The following SOX6 variants were observed in gnomAD, a reference collection of about 807,000 sequenced individuals.
SOX6 encodes transcription factor SOX-6.
A neutral mutation model predicts 97.8 loss-of-function variants in SOX6; 11 were observed. The observed-to-expected ratio is 0.11, with a 90% CI of 0.07 to 0.19. SOX6 has a LOEUF of 0.19. Among genes scored for constraint, SOX6 ranks in the 10% least tolerant of loss-of-function variants. SOX6 has a pLI of 1.00. For synonymous variants in SOX6, 360 were observed against 371.4 expected, an observed-to-expected ratio of 0.97 and a Z score of 0.35; for missense variants, 810 against 1,039.5, an observed-to-expected ratio of 0.78 and a Z score of 3.04.
At chr11:16,499,116 C>T (rs992934019) in intron 4 of SOX6, among the ~76,000 whole-genome samples, 3 of 152,302 alleles carry the variant, frequency 2.0e-5, no homozygotes, top group African/African-American at 7.2e-5. Context: ...GTCTCTCAGA[C>T]CACAGTGCAA....
chr11:16,204,956 T>A (rs1209002476), intron 4 of SOX6, among the ~76,000 whole-genome samples: 6 of 151,594 alleles, frequency 4.0e-5, no homozygotes, highest in African/African-American at 1.4e-4. Context: ...TTCCTCTTTT[T>A]AAAAAAAAAT....
intron 1 of SOX6, among the ~76,000 whole-genome samples, chr11:16,429,337 A>G (rs1312847389): frequency 1.3e-5 from 2 of 152,172 alleles, no homozygotes; most frequent in African/African-American, 4.8e-5. Flanking sequence ...ACATATCCAG[A>G]GGAATATAAA....
intron 4 of SOX6, among the ~76,000 whole-genome samples, chr11:16,210,401 AT>A (rs766569710): frequency 2.0e-5 from 3 of 152,222 alleles, no homozygotes; most frequent in Non-Finnish European, 4.4e-5. Flanking sequence ...GACCACATAT[AT>A]AATTCCATTC....
chr11:16,698,571 T>C (rs183593658), intron 3 of SOX6, among the ~76,000 whole-genome samples: 1 of 152,352 alleles, frequency 6.6e-6, no homozygotes, highest in East Asian at 1.9e-4. Context: ...CATTCACAAC[T>C]TGGCTAACTG....
intron 2 of SOX6, 56 bp from the exon 3 acceptor site, chr11:16,318,709 T>G (rs762996057): frequency 1.3e-6 from 2 of 1,509,662 alleles, no homozygotes; most frequent in Non-Finnish European, 1.8e-6. Context: ...TGCATGCTAC[T>G]GGAGAAAAAA....
chr11:16,253,760 C>A lies in SOX6; in HGVS notation c.446-19089G>T, dbSNP rs541557852. 9.9e-5 allele frequency among the ~76,000 whole-genome samples: 15 copies of A among 151,388 alleles called. No individual in the cohort carries two copies. The South Asian group carries it at 2.9e-3, about 29-fold the overall frequency. On this transcript the variant is annotated intron_variant, in intron 3 of 15. Transcript: ENST00000683767. ...GTATATCATATGTATAATGGGAATA[C>A]CAGAAGGAAAAGAAAAAGAGAAAGG...
At chr11:16,344,692 C>T (rs2134346912) in intron 1 of SOX6, among the ~76,000 whole-genome samples, 1 of 152,042 alleles carries the variant, frequency 6.6e-6, no homozygotes, top group African/African-American at 2.4e-5. Flanking sequence ...TAGCTGCTGC[C>T]TTATATGACT....
At chr11:16,128,124 C>A (rs1200626879) in intron 6 of SOX6, among the ~76,000 whole-genome samples, 1 of 152,122 alleles carries the variant, frequency 6.6e-6, no homozygotes, top group East Asian at 1.9e-4. Flanking sequence ...ATATAGAAGT[C>A]TTAGATTTTT....
chr11:16,130,044 C>T (rs966212185), intron 6 of SOX6, among the ~76,000 whole-genome samples: 9 of 151,814 alleles, frequency 5.9e-5, no homozygotes, highest in African/African-American at 2.2e-4. Context: ...TAATCATAAT[C>T]ATAGAAAATC....
chr11:16,416,776 A>AGGTAT (rs1858934681), intron 1 of SOX6, among the ~76,000 whole-genome samples: 1 of 152,192 alleles, frequency 6.6e-6, no homozygotes, highest in East Asian at 1.9e-4. Context: ...AAGAAACCAG[A>AGGTAT]GGTATTTTTC....
At chr11:16,118,889 T>C (rs543893764) in intron 6 of SOX6, among the ~76,000 whole-genome samples, 1 of 152,320 alleles carries the variant, frequency 6.6e-6, no homozygotes. Flanking sequence ...ATTCCTTATG[T>C]GATTTAATTG....
At chr11:16,402,549 C>T in intron 1 of SOX6, 1 of 1,143,904 alleles carries the variant, frequency 8.7e-7, no homozygotes, top group Non-Finnish European at 1.3e-6. Flanking sequence ...GCAAACCACC[C>T]AAAGCACACT....
chr11:16,137,287 A>T (rs142084158), intron 6 of SOX6, among the ~76,000 whole-genome samples: 1 of 152,178 alleles, frequency 6.6e-6, no homozygotes, highest in East Asian at 1.9e-4. Context: ...TTAGCTGGAC[A>T]TGGTGGCATG....
intron 9 of SOX6, among the ~76,000 whole-genome samples, chr11:16,073,683 A>G (rs1176147578): frequency 6.6e-6 from 1 of 152,192 alleles, no homozygotes; most frequent in Non-Finnish European, 1.5e-5. Context: ...TTGACCACAC[A>G]ATCAGCCATA....
intron 1 of SOX6, among the ~76,000 whole-genome samples, chr11:16,445,425 C>T (rs1050664264): frequency 1.1e-4 from 17 of 152,148 alleles, no homozygotes; most frequent in African/African-American, 3.9e-4. Flanking sequence ...TTTGCATATT[C>T]GTCCAACATG....
At chr11:16,217,225 A>G (rs956775996) in intron 4 of SOX6, among the ~76,000 whole-genome samples, 2 of 152,170 alleles carry the variant, frequency 1.3e-5, no homozygotes, top group African/African-American at 4.8e-5. Flanking sequence ...TTCTAGCCCT[A>G]TACACTTACG....
At chr11:16,055,598 G>A (rs1257304602) in intron 10 of SOX6, among the ~76,000 whole-genome samples, 154 bp downstream of exon 10, 1 of 152,154 alleles carries the variant, frequency 6.6e-6, no homozygotes, top group Non-Finnish European at 1.5e-5. Context: ...GTTTCTCAAT[G>A]CTCAATTATG....
chr11:16,275,411 G>A lies in SOX6; in HGVS notation c.446-40740C>T, dbSNP rs574453774. Among the ~76,000 whole-genome samples, 42 of 152,076 alleles carry A rather than the reference G, an allele frequency of 2.8e-4. 1 individual carries two copies. The highest frequency in any genetic ancestry group is 9.6e-4 in the African/African-American group (40 of 41,502). ...GCGGAGCTTGCAGTGAGCCGAGATC[G>A]TGCCACTGCACTCCAGCCTGGGCGA... On this transcript the variant is annotated intron_variant, in intron 3 of 15. Coordinates refer to ENST00000683767, the MANE Select transcript of SOX6 (RefSeq NM_001367873.1).
chr11:16,336,556 G>A (rs117919299), intron 2 of SOX6, among the ~76,000 whole-genome samples: 2 of 151,978 alleles, frequency 1.3e-5, no homozygotes, highest in South Asian at 2.1e-4. Flanking sequence ...TTTCCTAATC[G>A]GTGTCCCTGT....
Sources: allele counts gnomAD v4.1 joint callset (sites outside exome capture counted in the v4.1 genomes callset), GRCh38; gene constraint gnomAD v4.1.1; transcripts MANE v1.5; gene names NCBI Gene and HGNC (gene_info 2026-07-23, HGNC 2026-07-21).